KHDRBS3: variants seen among roughly 807,000 people sequenced by gnomAD.
The protein encoded by KHDRBS3 is KH domain-containing, RNA-binding, signal transduction-associated protein 3.
Under a neutral mutation model 45.6 loss-of-function variants are expected in KHDRBS3, and 23 were observed. The observed-to-expected ratio is 0.50, with a 90% confidence interval of 0.36 to 0.72. The LOEUF is 0.72. Ranked by LOEUF, KHDRBS3 falls within the 30% of genes least tolerant of loss-of-function variation. The probability of loss-of-function intolerance (pLI) is 0.00; values close to 1 mark genes in which losing one functional copy is unlikely to be tolerated. For synonymous variants in KHDRBS3, 162 were observed against 156.5 expected, an observed-to-expected ratio of 1.04 and a Z score of -0.26; for missense variants, 352 against 424.8, an observed-to-expected ratio of 0.83 and a Z score of 1.51.
At chr8:135,632,744 C>T (rs1459387425) in intron 7 of KHDRBS3, among the ~76,000 whole-genome samples, 1 of 152,160 alleles carries the variant, frequency 6.6e-6, no homozygotes, top group Non-Finnish European at 1.5e-5. Context: ...GAAAGCCTCT[C>T]AGTGGCCTGC....
chr8:135,518,361 G>A (rs1470246069), intron 1 of KHDRBS3, among the ~76,000 whole-genome samples: 1 of 152,032 alleles, frequency 6.6e-6, no homozygotes, highest in African/African-American at 2.4e-5. Flanking sequence ...TTTTAGTAGA[G>A]ACGGGGGTTT....
At chr8:135,462,044 G>A (rs1043707657) in intron 1 of KHDRBS3, among the ~76,000 whole-genome samples, 1 of 152,006 alleles carries the variant, frequency 6.6e-6, no homozygotes, top group African/African-American at 2.4e-5. Flanking sequence ...TTGATTTTTG[G>A]GGACCCCTTT....
At chr8:135,492,474 A>C (rs1823203868) in intron 1 of KHDRBS3, among the ~76,000 whole-genome samples, 1 of 150,822 alleles carries the variant, frequency 6.6e-6, no homozygotes, top group African/African-American at 2.4e-5. Flanking sequence ...ATTAATCTGC[A>C]TATGGTGAGG....
At chr8:135,587,679 G>A (rs1828544400) in intron 6 of KHDRBS3, among the ~76,000 whole-genome samples, 1 of 152,154 alleles carries the variant, frequency 6.6e-6, no homozygotes, top group Non-Finnish European at 1.5e-5. Flanking sequence ...CACATTCAAT[G>A]AGAGCACTTT....
intron 5 of KHDRBS3, among the ~76,000 whole-genome samples, chr8:135,577,584 G>T (rs923640751): frequency 4.0e-5 from 6 of 151,798 alleles, no homozygotes; most frequent in Non-Finnish European, 7.4e-5. Context: ...TTTGTGGATT[G>T]TTAGCTCATT....
At chr8:135,609,260 T>A (rs934314997) in intron 7 of KHDRBS3, among the ~76,000 whole-genome samples, 6 of 152,120 alleles carry the variant, frequency 3.9e-5, no homozygotes, top group African/African-American at 1.4e-4. Flanking sequence ...TTTCTTCATA[T>A]CCTTATTCTA....
intron 1 of KHDRBS3, among the ~76,000 whole-genome samples, chr8:135,465,483 C>A (rs1821648963): frequency 6.6e-6 from 1 of 152,106 alleles, no homozygotes; most frequent in African/African-American, 2.4e-5. Context: ...GTTTTCCAAT[C>A]CAGGAAATAT....
intron 3 of KHDRBS3, among the ~76,000 whole-genome samples, chr8:135,545,799 C>G (rs1826273312): frequency 6.6e-6 from 1 of 152,174 alleles, no homozygotes; most frequent in African/African-American, 2.4e-5. Context: ...AAGCATTTTA[C>G]TGAGGGTGAC....
chr8:135,593,990 C>G (rs553617347), intron 6 of KHDRBS3, among the ~76,000 whole-genome samples: 55 of 152,118 alleles, frequency 3.6e-4, no homozygotes, highest in African/African-American at 1.3e-3. Flanking sequence ...TGCGCAGACT[C>G]GATGTGATAT....
chr8:135,579,584 A>G (rs1361135368), intron 5 of KHDRBS3, among the ~76,000 whole-genome samples: 1 of 152,092 alleles, frequency 6.6e-6, no homozygotes, highest in Admixed American at 6.6e-5. Context: ...TGATCCACCC[A>G]TGTTGGCCTC....
At chr8:135,625,834 T>G in intron 7 of KHDRBS3, 1 of 769,772 alleles carries the variant, frequency 1.3e-6, no homozygotes, top group East Asian at 2.4e-5. Context: ...GGGAACAGCA[T>G]GTCCATAAAC....
chr8:135,647,034 G>A lies in KHDRBS3; in HGVS notation c.991G>A (p.Ala331Thr). 1 of 1,611,212 alleles carries A rather than the reference G, an allele frequency of 6.2e-7. No homozygotes were observed. The highest frequency in any genetic ancestry group is 2.2e-5 in the East Asian group (1 of 44,858). ...WTNSRHKAPSARTAKGVYRDQ... is the reference protein window; with the variant it reads ...WTNSRHKAPSTRTAKGVYRDQ... The stretch of plus-strand genomic sequence containing the variant: ...TAACTCAAGACACAAGGCACCTTCA[G>A]CGAGGACAGCAAAGGGCGTCTACAG... Residue 331 changes from alanine to threonine, a missense_variant, in exon 9 of 9, where the codon GCG (alanine) becomes ACG (threonine). Coordinates refer to ENST00000355849, the MANE Select transcript of KHDRBS3 (RefSeq NM_006558.3).
rs556137833 is a variant in KHDRBS3, at chr8:135,594,303, G to T, written c.807+12230G>T. 3.2e-4 allele frequency among the ~76,000 whole-genome samples: 49 copies of T among 152,296 alleles called. No homozygotes were observed. The South Asian group carries it at 1.0e-2, about 31-fold the overall frequency. On this transcript the variant is annotated intron_variant, in intron 6 of 8. Transcript: ENST00000355849. ...TTATAGTGTGGCATTATCCTGGAGG[G>T]TTCACTACAGTACAGGGTCTGGCCC...
intron 6 of KHDRBS3, among the ~76,000 whole-genome samples, chr8:135,605,346 T>C (rs11786086): frequency 0.38 from 57,503 of 151,920 alleles, 12,378 homozygotes; most frequent in South Asian, 0.53. Flanking sequence ...TTCCTCAGAC[T>C]GGATTTTCTC....
At chr8:135,529,430 C>T (rs1035519589) in intron 2 of KHDRBS3, among the ~76,000 whole-genome samples, 1 of 152,164 alleles carries the variant, frequency 6.6e-6, no homozygotes, top group South Asian at 2.1e-4. Context: ...GCTCTCCTTA[C>T]AGTGCTTGAT....
chr8:135,501,384 T>G (rs1234665396), intron 1 of KHDRBS3, among the ~76,000 whole-genome samples: 1 of 152,238 alleles, frequency 6.6e-6, no homozygotes, highest in Non-Finnish European at 1.5e-5. Flanking sequence ...GATCATGTTT[T>G]AGACAAAGTT....
chr8:135,600,181 T>C (rs1173362984), intron 6 of KHDRBS3, among the ~76,000 whole-genome samples: 1 of 152,234 alleles, frequency 6.6e-6, no homozygotes, highest in Non-Finnish European at 1.5e-5. Context: ...TGGTTAATCT[T>C]CCCCTATTGT....
At chr8:135,605,456 G>A (rs62525213) in intron 6 of KHDRBS3, among the ~76,000 whole-genome samples, 15,410 of 151,758 alleles carry the variant, frequency 0.1, 1,014 homozygotes, top group Non-Finnish European at 0.14. Flanking sequence ...ATTATACTTC[G>A]CAACTTAAGA....
At chr8:135,641,979 A>G (rs1363206121) in intron 7 of KHDRBS3, among the ~76,000 whole-genome samples, 1 of 152,192 alleles carries the variant, frequency 6.6e-6, no homozygotes, top group East Asian at 1.9e-4. Context: ...TCTTCTCACC[A>G]TAACTGTATA....
Sources: allele counts gnomAD v4.1 joint callset (sites outside exome capture counted in the v4.1 genomes callset), GRCh38; gene constraint gnomAD v4.1.1; transcripts MANE v1.5; gene names NCBI Gene and HGNC (gene_info 2026-07-23, HGNC 2026-07-21).